The following FOXN3 variants were observed in gnomAD, a reference collection of about 807,000 sequenced individuals.
FOXN3 encodes forkhead box protein N3.
FOXN3 carries 7 observed loss-of-function variants against 38.4 expected under a neutral mutation model. The ratio of observed to expected loss-of-function variants is 0.18; its 90% CI spans 0.10 to 0.34. The LOEUF is 0.34. Among genes scored for constraint, FOXN3 ranks in the 10% least tolerant of loss-of-function variants. The pLI is 1.00. For synonymous variants in FOXN3, 230 were observed against 242.2 expected (o/e 0.95, Z 0.47); for missense variants, 456 against 613.4 (o/e 0.74, Z 2.71).
chr14:89,575,005 G>A (rs376880741), intron 1 of FOXN3, among the ~76,000 whole-genome samples: 44 of 152,264 alleles, frequency 2.9e-4, no homozygotes, highest in Non-Finnish European at 5.0e-4. Flanking sequence ...CAAGGCCAGC[G>A]GGAAGCTGAA....
chr14:89,511,247 TTTTCTTTCTTTC>T (rs869191500), intron 1 of FOXN3, among the ~76,000 whole-genome samples: 279 of 11,296 alleles, frequency 0.025, 54 homozygotes, highest in East Asian at 0.2. Context: ...CTTTTCTTTC[TTTTCTTTCTTTC>T]TTTCTTTCTT....
intron 1 of FOXN3, among the ~76,000 whole-genome samples, chr14:89,534,667 G>A (rs1398989569): frequency 1.3e-5 from 2 of 152,198 alleles, no homozygotes; most frequent in South Asian, 2.1e-4. Flanking sequence ...GGAACCTGTA[G>A]AAATGTCCAT....
intron 1 of FOXN3, among the ~76,000 whole-genome samples, chr14:89,424,102 C>T (rs1472707697): frequency 6.6e-6 from 1 of 152,214 alleles, no homozygotes; most frequent in Non-Finnish European, 1.5e-5. Flanking sequence ...TTTAAAATCA[C>T]AAAAACTTGG....
At chr14:89,514,585 A>G (rs389960) in intron 1 of FOXN3, among the ~76,000 whole-genome samples, 124,629 of 152,210 alleles carry the variant, frequency 0.82, 52,294 homozygotes, top group Non-Finnish European at 0.92. Flanking sequence ...GGTCCAAAGA[A>G]GTTGGTCAAG....
chr14:89,167,810 C>T (rs1401799024), intron 5 of FOXN3, among the ~76,000 whole-genome samples: 4 of 152,174 alleles, frequency 2.6e-5, no homozygotes, highest in Non-Finnish European at 5.9e-5. Flanking sequence ...AACTAGGCAA[C>T]GAAGAAAGCC....
At chr14:89,250,356 C>G (rs748730706) in intron 4 of FOXN3, among the ~76,000 whole-genome samples, 2 of 152,224 alleles carry the variant, frequency 1.3e-5, no homozygotes, top group African/African-American at 2.4e-5. Context: ...AGCAATTATC[C>G]TGCCTCAGTC....
intron 1 of FOXN3, among the ~76,000 whole-genome samples, chr14:89,539,296 A>T (rs1894752095): frequency 6.6e-6 from 1 of 152,256 alleles, no homozygotes; most frequent in African/African-American, 2.4e-5. Flanking sequence ...GAAATAAAAT[A>T]AAACAGTATC....
chr14:89,205,825 C>T (rs563181400), intron 4 of FOXN3, among the ~76,000 whole-genome samples: 2 of 152,368 alleles, frequency 1.3e-5, no homozygotes, highest in African/African-American at 4.8e-5. Flanking sequence ...GGGCCAAAAA[C>T]GCTCCCCACG....
At chr14:89,285,995 T>A (rs1387247372) in intron 3 of FOXN3, among the ~76,000 whole-genome samples, 1 of 151,358 alleles carries the variant, frequency 6.6e-6, no homozygotes, top group East Asian at 1.9e-4. Flanking sequence ...GCCCTCAGAG[T>A]AGCTGGGACT....
At chr14:89,550,964 T>A (rs1450533492) in intron 1 of FOXN3, among the ~76,000 whole-genome samples, 1 of 152,138 alleles carries the variant, frequency 6.6e-6, no homozygotes, top group Non-Finnish European at 1.5e-5. Flanking sequence ...TTCTACTTCT[T>A]GTTGGAATAA....
rs1158712190 is a variant in FOXN3, at chr14:89,159,433, G to A, written c.*2981C>T. On this transcript the variant is annotated 3_prime_UTR_variant, in exon 6 of 6. Coordinates refer to ENST00000557258, the MANE Select transcript of FOXN3 (RefSeq NM_005197.4). ...AATCACACTTAGAAAGCTGCCCGAT[G>A]AGGTATTTATGCAAAAAGAGTGGTT... The A allele has an allele frequency of 6.6e-6, 1 of 152,640 alleles. No individual in the cohort carries two copies. Among genetic ancestry groups the A allele is most frequent in the Non-Finnish European group, 1.5e-5 (1 of 68,048 alleles). 9.5% of individuals were successfully genotyped at this position (152,640 alleles called of 1,614,324 possible).
rs59949946 is a variant in FOXN3 at position 89,312,284 on chromosome 14, C to CAAAAAAAAAAAAAAAAAA, written c.681-31271_681-31270insTTTTTTTTTTTTTTTTTT. The stretch of plus-strand genomic sequence containing the variant: ...TGGGTGACAGAGCAAGACTCGGTCT[C>CAAAAAAAAAAAAAAAAAA]AAAAAAAAAAAAAAAAAGAAGCCAA... On this transcript the variant is annotated intron_variant, in intron 3 of 5. Coordinates refer to ENST00000557258, the MANE Select transcript of FOXN3 (RefSeq NM_005197.4). Among the ~76,000 whole-genome samples, 59 of 60,542 alleles carry CAAAAAAAAAAAAAAAAAA rather than the reference C, an allele frequency of 9.7e-4. 8 individuals carry two copies. Among genetic ancestry groups the CAAAAAAAAAAAAAAAAAA allele is most frequent in the African/African-American group, 4.3e-3 (52 of 12,044 alleles). 39.7% of individuals were successfully genotyped at this position (60,542 alleles called of 152,430 possible). A position where few individuals can be genotyped will look rare whatever the true frequency, so the allele number is the denominator to read the frequency against.
intron 4 of FOXN3, among the ~76,000 whole-genome samples, chr14:89,187,260 G>C (rs978016426): frequency 6.6e-6 from 1 of 152,296 alleles, no homozygotes; most frequent in African/African-American, 2.4e-5. Context: ...AAATAGCACC[G>C]CACGAGGAAG....
At chr14:89,427,641 G>A (rs568452508) in intron 1 of FOXN3, among the ~76,000 whole-genome samples, 12 of 151,864 alleles carry the variant, frequency 7.9e-5, no homozygotes, top group African/African-American at 2.9e-4. Context: ...TGAATGAAAA[G>A]GCACTACTTG....
At chr14:89,360,563 G>GGAGA (rs59817818) in intron 2 of FOXN3, among the ~76,000 whole-genome samples, 135,435 of 139,940 alleles carry the variant, frequency 0.97, 65,648 homozygotes, top group Non-Finnish European at 1. Context: ...AAGGAGGTGA[G>GGAGA]GAGAGAGAGA....
rs1159569586 is a variant in FOXN3 at position 89,484,748 on chromosome 14, C to T, written c.-14-72258G>A. On this transcript the variant is annotated intron_variant, in intron 1 of 6. Transcript: ENST00000345097. This position sits in a 1 kb window ranked among gnomAD's most constrained non-coding sequence, Gnocchi z 4.0. ...TGATTCCAGAAGGCCCAAGCTTCTGCACACCTGTGTGCAGGAAGGCAGATG... is the reference window on the plus strand; with the variant it reads ...TGATTCCAGAAGGCCCAAGCTTCTGTACACCTGTGTGCAGGAAGGCAGATG... 6.6e-6 allele frequency among the ~76,000 whole-genome samples: 1 copy of T among 152,210 alleles called. No homozygotes were observed. Among genetic ancestry groups the T allele is most frequent in the African/African-American group, 2.4e-5 (1 of 41,466 alleles).
At chr14:89,263,384 G>A (rs1885868887) in intron 4 of FOXN3, among the ~76,000 whole-genome samples, 1 of 151,664 alleles carries the variant, frequency 6.6e-6, no homozygotes, top group African/African-American at 2.4e-5. Context: ...ACTCATTCTT[G>A]GGAGAGACTG....
chr14:89,174,723 A>T (rs1307460558), intron 5 of FOXN3, among the ~76,000 whole-genome samples: 2 of 152,206 alleles, frequency 1.3e-5, no homozygotes, highest in Admixed American at 1.3e-4. Flanking sequence ...CAAAACAAAA[A>T]CTACGCTCGC....
At chr14:89,561,764 T>A (rs186507337) in intron 1 of FOXN3, among the ~76,000 whole-genome samples, 10 of 152,324 alleles carry the variant, frequency 6.6e-5, no homozygotes, top group Admixed American at 5.2e-4. Flanking sequence ...TGACTCTTCC[T>A]CCTCTCCCTG....
Sources: gnomAD v4.1 joint callset for allele counts (sites outside exome capture counted in the v4.1 genomes callset) on GRCh38, gnomAD v4.1.1 for gene constraint, Gnocchi (gnomAD v3.1) non-coding constraint, MANE v1.5 for transcripts, NCBI Gene and HGNC (gene_info 2026-07-23, HGNC 2026-07-21) for gene names.